ATXN7L1: variants seen among roughly 807,000 people sequenced by gnomAD.
ATXN7L1 encodes ataxin 7 like 1.
Under a neutral mutation model 70.8 loss-of-function variants are expected in ATXN7L1, and 15 were observed. The observed-to-expected ratio is 0.21, with a 90% CI of 0.14 to 0.33. The LOEUF (loss-of-function observed/expected upper bound fraction) is 0.33. Among genes scored for constraint, ATXN7L1 ranks in the 10% least tolerant of loss-of-function variants. The pLI is 1.00. For missense variants in ATXN7L1, 975 were observed against 1,097.1 expected (o/e 0.89, Z 1.57); for synonymous variants, 440 against 445.1 (o/e 0.99, Z 0.14).
chr7:105,850,150 T>TA (rs1024365859), intron 2 of ATXN7L1, among the ~76,000 whole-genome samples: 2 of 152,304 alleles, frequency 1.3e-5, no homozygotes, highest in East Asian at 3.9e-4. Flanking sequence ...AATATAATGA[T>TA]AAAAAAATAC....
At chr7:105,679,226 A>G in intron 3 of ATXN7L1, 2 of 852,678 alleles carry the variant, frequency 2.3e-6, no homozygotes, top group South Asian at 1.1e-4. Context: ...GGCAGAAAGA[A>G]AAGCCCGGAA....
intron 2 of ATXN7L1, among the ~76,000 whole-genome samples, chr7:105,825,769 C>T (rs116907083): frequency 6.6e-6 from 1 of 152,152 alleles, no homozygotes; most frequent in Non-Finnish European, 1.5e-5. Context: ...TTTGAAATTC[C>T]ACTACTCACA....
At chr7:105,650,005 G>A (rs1177717687) in intron 4 of ATXN7L1, among the ~76,000 whole-genome samples, 2 of 152,214 alleles carry the variant, frequency 1.3e-5, no homozygotes, top group South Asian at 2.1e-4. Flanking sequence ...ATAGCATTAA[G>A]TCATCCCCAA....
At chr7:105,847,511 A>T (rs1435270774) in intron 2 of ATXN7L1, among the ~76,000 whole-genome samples, 1 of 152,104 alleles carries the variant, frequency 6.6e-6, no homozygotes. Context: ...GGCAGGGTTG[A>T]CTCTTCTAGA....
intron 3 of ATXN7L1, among the ~76,000 whole-genome samples, chr7:105,768,872 A>C (rs76091773): frequency 6.6e-6 from 1 of 152,280 alleles, no homozygotes; most frequent in Non-Finnish European, 1.5e-5. Context: ...ATGTAAATCT[A>C]GAATTAGAAA....
chr7:105,802,276 C>T (rs1806936371), intron 2 of ATXN7L1, among the ~76,000 whole-genome samples: 3 of 152,072 alleles, frequency 2.0e-5, no homozygotes, highest in South Asian at 4.2e-4. Context: ...GTAAACCGAT[C>T]TATAATATGT....
intron 2 of ATXN7L1, among the ~76,000 whole-genome samples, chr7:105,798,349 C>T (rs1207927175): frequency 6.6e-6 from 1 of 152,222 alleles, no homozygotes; most frequent in Non-Finnish European, 1.5e-5. Context: ...TACTTCCTGA[C>T]TTTGGGCTGC....
At chr7:105,676,644 A>C (rs1217412528) in intron 3 of ATXN7L1, among the ~76,000 whole-genome samples, 1 of 152,182 alleles carries the variant, frequency 6.6e-6, no homozygotes, top group African/African-American at 2.4e-5. Context: ...GTTCAAGACC[A>C]GCCTGGCCCA....
rs543753976 is a variant in ATXN7L1 at position 105,614,423 on chromosome 7, G to A, written c.1911C>T (p.Asp637=). The A allele has an allele frequency of 6.2e-5, 96 of 1,550,500 alleles. No individual in the cohort carries two copies. In the Middle Eastern group the frequency reaches 6.7e-4, roughly 11 times the overall value. Residue 637 remains aspartate (D), a synonymous_variant, in exon 10 of 12, where the codon GAC becomes GAT. Transcript: ENST00000419735. The surrounding 1 kb of genome is among the most constrained non-coding windows in gnomAD (Gnocchi z 4.3). Reference sequence around the variant, plus strand: ...TCCTTTTTTTGTTACTTGGAGACTCGTCGCTACGGGTGGACAGGTCTTTGA... The same window carrying A: ...TCCTTTTTTTGTTACTTGGAGACTCATCGCTACGGGTGGACAGGTCTTTGA... ...SKVKDLSTRS[D]ESPSNKKRKP...
chr7:105,732,050 G>A (rs938489005), intron 3 of ATXN7L1, among the ~76,000 whole-genome samples: 1 of 151,982 alleles, frequency 6.6e-6, no homozygotes, highest in Admixed American at 6.6e-5. Flanking sequence ...CTGAGATTGT[G>A]ACACTGTACT....
chr7:105,625,271 G>A (rs564852877), intron 7 of ATXN7L1, among the ~76,000 whole-genome samples: 3 of 152,110 alleles, frequency 2.0e-5, no homozygotes, highest in East Asian at 1.9e-4. Flanking sequence ...GTTTGTTTAC[G>A]AAACACTCTC....
At position 105,610,526 on chromosome 7, in the gene ATXN7L1, T is replaced by C. The variant is rs1793052892; in HGVS notation, c.2547+3A>G. ...TGCCCCACCCCCACCCTCAGTAACT[T>C]ACCTGTCGGCTGTGTCCTGGGCTGG... On this transcript the variant is annotated splice_donor_region_variant and intron_variant, in intron 11 of 11. Coordinates refer to ENST00000419735, the MANE Select transcript of ATXN7L1 (RefSeq NM_020725.2). 2.8e-6 allele frequency: 4 copies of C among 1,452,664 alleles called. No homozygotes were observed. Among genetic ancestry groups the C allele is most frequent in the Admixed American group, 2.0e-5 (1 of 49,624 alleles). 90.0% of individuals were successfully genotyped at this position (1,452,664 alleles called of 1,614,324 possible). A position where few individuals can be genotyped will look rare whatever the true frequency, so the allele number is the denominator to read the frequency against.
intron 3 of ATXN7L1, among the ~76,000 whole-genome samples, chr7:105,740,356 TGAG>T (rs1376567268): frequency 6.6e-6 from 1 of 152,228 alleles, no homozygotes; most frequent in African/African-American, 2.4e-5. Context: ...GACTCCAGGC[TGAG>T]GAGTTTAGTG....
At chr7:105,750,582 G>A (rs1226073102) in intron 3 of ATXN7L1, among the ~76,000 whole-genome samples, 4 of 148,338 alleles carry the variant, frequency 2.7e-5, no homozygotes, top group South Asian at 2.1e-4. Flanking sequence ...CGGGTGCATC[G>A]CCTGAGGTCA....
At chr7:105,729,654 T>A (rs1166003401) in intron 3 of ATXN7L1, among the ~76,000 whole-genome samples, 6 of 151,988 alleles carry the variant, frequency 3.9e-5, no homozygotes, top group Non-Finnish European at 7.4e-5. Flanking sequence ...GGTCTGGAAC[T>A]CTTGACCCCA....
chr7:105,626,474 T>C (rs1439714369), intron 7 of ATXN7L1, among the ~76,000 whole-genome samples: 1 of 152,204 alleles, frequency 6.6e-6, no homozygotes, highest in African/African-American at 2.4e-5. Flanking sequence ...TTAAAAATAG[T>C]AAATTTTGTG....
At chr7:105,757,480 C>G (rs920089780) in intron 3 of ATXN7L1, among the ~76,000 whole-genome samples, 1 of 145,454 alleles carries the variant, frequency 6.9e-6, no homozygotes, top group Non-Finnish European at 1.5e-5. Context: ...TTAAAATTCT[C>G]AAAGCCAAAT....
Position 105,754,726 on chromosome 7 carries a change from C to T in ATXN7L1, c.355+33878G>A, listed in dbSNP as rs570306840. ...CCTCTCCCCGTGGCCTCCCAAAGTT[C>T]TGGGATTACTGGCATGAGCCACCAT... On this transcript the variant is annotated intron_variant, in intron 3 of 11. Transcript: ENST00000419735. 5.9e-5 allele frequency among the ~76,000 whole-genome samples: 9 copies of T among 152,322 alleles called. No individual in the cohort carries two copies. In the East Asian group the frequency reaches 1.5e-3, roughly 26 times the overall value.
intron 3 of ATXN7L1, among the ~76,000 whole-genome samples, chr7:105,733,311 C>A (rs1264318359): frequency 6.6e-6 from 1 of 152,184 alleles, no homozygotes; most frequent in African/African-American, 2.4e-5. Context: ...ATTTGTCAGT[C>A]CTTTCCATTC....
Sources: allele counts gnomAD v4.1 joint callset (sites outside exome capture counted in the v4.1 genomes callset), GRCh38; gene constraint gnomAD v4.1.1; non-coding constraint Gnocchi (gnomAD v3.1); transcripts MANE v1.5; gene names NCBI Gene and HGNC (gene_info 2026-07-23, HGNC 2026-07-21).